SPEN: variants seen among roughly 807,000 people sequenced by gnomAD.
SPEN encodes msx2-interacting protein.
Under a neutral mutation model 269.9 loss-of-function variants are expected in SPEN, and 18 were observed. The ratio of observed to expected loss-of-function variants is 0.07; its 90% CI spans 0.05 to 0.10. The LOEUF (loss-of-function observed/expected upper bound fraction) is 0.10, where lower values mean the gene tolerates loss of function less well. Ranked by LOEUF, SPEN falls within the 10% of genes least tolerant of loss-of-function variation. The pLI, the probability that SPEN is intolerant of heterozygous loss-of-function variation, is 1.00. For synonymous variants in SPEN, 1,726 were observed against 1,765.7 expected (o/e 0.98, Z 0.56); for missense variants, 3,822 against 4,631.2 (o/e 0.83, Z 5.07).
At chr1:15,892,145 C>A (rs1045487883) in intron 3 of SPEN, among the ~76,000 whole-genome samples, 4 of 151,178 alleles carry the variant, frequency 2.6e-5, no homozygotes, top group Non-Finnish European at 5.9e-5. Context: ...CTCAGCCTCC[C>A]GAGTAGCTGG....
intron 1 of SPEN, among the ~76,000 whole-genome samples, chr1:15,855,995 T>C (rs1220575563): frequency 3.4e-5 from 5 of 146,008 alleles, no homozygotes; most frequent in Non-Finnish European, 6.1e-5. Flanking sequence ...TAGAACTTTT[T>C]TTTTTTTTTT....
chr1:15,858,855 G>A (rs2070412330), intron 1 of SPEN, among the ~76,000 whole-genome samples: 1 of 152,094 alleles, frequency 6.6e-6, no homozygotes, highest in African/African-American at 2.4e-5. Context: ...GAGGTGGGAG[G>A]ATCACTTGGG....
At chr1:15,854,748 T>C (rs1010827736) in intron 1 of SPEN, among the ~76,000 whole-genome samples, 3 of 152,216 alleles carry the variant, frequency 2.0e-5, no homozygotes, top group African/African-American at 7.2e-5. Flanking sequence ...CCCAAAGTGC[T>C]GGGATTATAG....
rs74842071 is a variant in SPEN at position 15,932,398 on chromosome 1, A to C, written c.6158A>C (p.Asn2053Thr). Residue 2053 changes from asparagine to threonine, a missense_variant, in exon 11 of 15, where the codon AAC (asparagine) becomes ACC (threonine). Physicochemically the swap from Asn to Thr is moderately conservative, Grantham distance 65. Around this residue, in one of 16 missense-constraint regions of SPEN, gnomAD observed 727 missense variants for 737.9 expected, o/e 0.99. Coordinates refer to ENST00000375759, the MANE Select transcript of SPEN (RefSeq NM_015001.3). The surrounding 1 kb of genome is among the most constrained non-coding windows in gnomAD (Gnocchi z 4.2). Reference protein sequence around the residue: ...RDRKDAGTDKNPPETAPVEVV... With the variant: ...RDRKDAGTDKTPPETAPVEVV... The stretch of plus-strand genomic sequence containing the variant: ...AGAAAAGATGCTGGCACAGACAAAA[A>C]CCCCCCTGAAACCGCCCCTGTTGAA... 2.9e-5 allele frequency: 47 copies of C among 1,612,734 alleles called. No homozygotes were observed. The highest frequency in any genetic ancestry group is 1.3e-4 in the Admixed American group (8 of 59,864).
At position 15,934,775 on chromosome 1, in the gene SPEN, T is replaced by C; in HGVS notation, c.8535T>C (p.Ile2845=). 1.2e-6 allele frequency: 2 copies of C among 1,614,120 alleles called. No homozygotes were observed. ...SQIPPASAMD[I]EFQQSVSKSQ... ...TCCCCCCGGCCAGTGCAATGGACAT[T>C]GAATTTCAGCAGTCAGTGTCCAAGT... Residue 2845 remains isoleucine, a synonymous_variant, in exon 11 of 15, where the codon ATT becomes ATC. Transcript: ENST00000375759. This position sits in a 1 kb window ranked among gnomAD's most constrained non-coding sequence, Gnocchi z 9.2.
rs191589417 is a variant in SPEN, at chr1:15,917,452, C to T, written c.1395+1173C>T. On this transcript the variant is annotated intron_variant, in intron 6 of 14. Transcript: ENST00000375759. ...TCACCCAGGCTGGAGTGCAGTGGTG[C>T]GATCTTGGCTCACTGCAGCCTCCGC... is the stretch of plus-strand genomic sequence containing the variant. Among the ~76,000 whole-genome samples the T allele has an allele frequency of 3.9e-5, 6 of 152,110 alleles. No individual in the cohort carries two copies. The East Asian group carries it at 5.8e-4, about 15-fold the overall frequency.
chr1:15,859,483 G>A (rs1009657717), intron 1 of SPEN, among the ~76,000 whole-genome samples: 1 of 149,248 alleles, frequency 6.7e-6, no homozygotes, highest in Non-Finnish European at 1.5e-5. Context: ...TCAGCCTCCC[G>A]AGTAGCTGGG....
intron 1 of SPEN, among the ~76,000 whole-genome samples, chr1:15,853,833 T>A (rs963530824): frequency 6.6e-6 from 1 of 152,016 alleles, no homozygotes; most frequent in Non-Finnish European, 1.5e-5. Context: ...CACACCAGGC[T>A]AATTTTTGTA....
At chr1:15,856,944 A>C (rs910267706) in intron 1 of SPEN, among the ~76,000 whole-genome samples, 6 of 152,152 alleles carry the variant, frequency 3.9e-5, no homozygotes, top group African/African-American at 1.4e-4. Context: ...ATATCTTAAA[A>C]ATTCTATCTC....
chr1:15,935,033 T>C lies in SPEN; in HGVS notation c.8793T>C (p.Val2931=), dbSNP rs1422413472. 6.2e-7 allele frequency: 1 copy of C among 1,613,856 alleles called. No homozygotes were observed. The highest frequency in any genetic ancestry group is 1.7e-5 in the Admixed American group (1 of 59,996). ...TCACCCAGGGAGGCACAGTGAAGGT[T>C]CTCACCCAGGGGATCAACACACCCC... ...TPVTQGGTVK[V]LTQGINTPPV... is the part of the protein sequence containing the mutation. The change falls in exon 11 of 15, where the codon GTT becomes GTC. Residue 2931 remains valine (V), a synonymous_variant. Coordinates refer to ENST00000375759, the MANE Select transcript of SPEN (RefSeq NM_015001.3). The surrounding 1 kb of genome is among the most constrained non-coding windows in gnomAD (Gnocchi z 7.7).
chr1:15,897,783 G>C (rs567262562), intron 3 of SPEN, among the ~76,000 whole-genome samples: 107 of 152,308 alleles, frequency 7.0e-4, no homozygotes, highest in African/African-American at 2.4e-3. Flanking sequence ...ACAGGCTTGA[G>C]CCACTGCACC....
At chr1:15,886,004 GTACT>G (rs967509175) in intron 3 of SPEN, among the ~76,000 whole-genome samples, 2 of 152,314 alleles carry the variant, frequency 1.3e-5, no homozygotes, top group South Asian at 4.1e-4. Context: ...AAATGGAAGA[GTACT>G]TACTTAATTG....
chr1:15,940,137 AAAATC>A lies in SPEN; in HGVS notation c.*716_*720del, dbSNP rs1256443880. On this transcript the variant is annotated 3_prime_UTR_variant, in exon 15 of 15. Transcript: ENST00000375759. ...ATAAATATATATAATACTGACTTAA[AAAATC>A]AAATCCCCCGACATACGTTTTTTTT... 9.0e-6 allele frequency: 2 copies of A among 221,894 alleles called. No individual in the cohort carries two copies. The highest frequency in any genetic ancestry group is 2.2e-5 in the African/African-American group (1 of 44,470). 13.7% of individuals were successfully genotyped at this position (221,894 alleles called of 1,614,324 possible). A position where few individuals can be genotyped will look rare whatever the true frequency, so the allele number is the denominator to read the frequency against.
intron 3 of SPEN, 146 bp downstream of exon 3, chr1:15,876,824 G>C (rs2070635723): frequency 2.9e-6 from 2 of 696,536 alleles, no homozygotes. Context: ...CTGGCATGTG[G>C]CCATTGAATT....
chr1:15,908,993 A>G (rs1276328829), intron 3 of SPEN, among the ~76,000 whole-genome samples: 2 of 152,060 alleles, frequency 1.3e-5, no homozygotes, highest in African/African-American at 4.8e-5. Flanking sequence ...CCAAACCCAT[A>G]TACGCACTAT....
intron 1 of SPEN, among the ~76,000 whole-genome samples, chr1:15,852,134 A>G (rs1189051867): frequency 6.6e-6 from 1 of 152,200 alleles, no homozygotes; most frequent in South Asian, 2.1e-4. Flanking sequence ...GACACAATAT[A>G]AAATATTGAA....
At chr1:15,884,053 G>T (rs1299822083) in intron 3 of SPEN, among the ~76,000 whole-genome samples, 1 of 152,002 alleles carries the variant, frequency 6.6e-6, no homozygotes, top group African/African-American at 2.4e-5. Context: ...CTTGTGATCT[G>T]CCCGCTTTGG....
rs1327732319 is a variant in SPEN at position 15,848,630 on chromosome 1, A to T, written c.83+480A>T. 6.6e-6 allele frequency among the ~76,000 whole-genome samples: 1 copy of T among 152,174 alleles called. No homozygotes were observed. Among genetic ancestry groups the T allele is most frequent in the East Asian group, 1.9e-4 (1 of 5,196 alleles). The stretch of plus-strand genomic sequence containing the variant: ...CTGACTTCGGGAGGGTTCCGTGCGA[A>T]GGGAAAGGCGGTGCGAAAACAGAAG... On this transcript the variant is annotated intron_variant, in intron 1 of 14. Transcript: ENST00000375759. This position sits in a 1 kb window ranked among gnomAD's most constrained non-coding sequence, Gnocchi z 5.1.
rs1349663382 is a variant in SPEN at position 15,933,597 on chromosome 1, A to G, written c.7357A>G (p.Ile2453Val). The stretch of plus-strand genomic sequence containing the variant: ...TCAAGCCAGGTTCAGGGTGCATTCC[A>G]TCATTGAAAGTGACCCGGTGACCCC... ...EPQARFRVHS[I>V]IESDPVTPPS... Residue 2453 changes from isoleucine to valine, a missense_variant, in exon 11 of 15, where the codon ATC becomes GTC. Ile to Val is a conservative substitution (Grantham distance 29). This residue lies in a region of SPEN where 727 missense variants were observed against 737.9 expected (regional missense o/e 0.99). Transcript: ENST00000375759. This position sits in a 1 kb window ranked among gnomAD's most constrained non-coding sequence, Gnocchi z 5.7. 1.2e-6 allele frequency: 2 copies of G among 1,613,916 alleles called. No individual in the cohort carries two copies. The highest frequency in any genetic ancestry group is 1.1e-5 in the South Asian group (1 of 91,060).
Sources: gnomAD v4.1 joint callset for allele counts (sites outside exome capture counted in the v4.1 genomes callset) on GRCh38, gnomAD v4.1.1 for gene constraint, gnomAD v4.1.1 regional missense constraint, Gnocchi (gnomAD v3.1) non-coding constraint, MANE v1.5 for transcripts, NCBI Gene and HGNC (gene_info 2026-07-23, HGNC 2026-07-21) for gene names.